Variants in EBPL observed in about 807,000 individuals in gnomAD.
EBPL encodes EBP like, also known as emopamil-binding protein-like.
Under a neutral mutation model 19.0 loss-of-function variants are expected in EBPL, and 20 were observed. The ratio of observed to expected loss-of-function variants is 1.05; its 90% CI spans 0.74 to 1.53. The LOEUF is 1.53. Among genes scored for constraint, EBPL ranks in the 40% most tolerant of loss-of-function variants. EBPL has a pLI of 0.00. For synonymous variants in EBPL, 107 were observed against 117.0 expected (o/e 0.91, Z 0.55); for missense variants, 219 against 261.1 (o/e 0.84, Z 1.11).
At chr13:49,665,145 C>T (rs908827614) in intron 2 of EBPL, among the ~76,000 whole-genome samples, 3 of 144,516 alleles carry the variant, frequency 2.1e-5, no homozygotes, top group Non-Finnish European at 4.5e-5. Context: ...AGGAGTCTCA[C>T]TGTTACCCAG....
Position 49,663,264 on chromosome 13 carries a change from T to C in EBPL, c.242-69A>G, listed in dbSNP as rs962856777. The C allele has an allele frequency of 4.4e-6, 7 of 1,580,562 alleles. No individual in the cohort carries two copies. In the African/African-American group the frequency reaches 8.1e-5, roughly 18 times the overall value. On this transcript the variant is annotated intron_variant, in intron 2 of 3. Coordinates refer to ENST00000242827, the MANE Select transcript of EBPL (RefSeq NM_032565.5). ...TATGACAGTTCATGGAAATGACCTT[T>C]CTTTCCTTTAAGGTGGAGATAAAAT...
rs1479571332 is a variant in EBPL at position 49,691,398 on chromosome 13, G to C, written c.27C>G (p.Ala9=). 2 of 1,363,090 alleles carry C rather than the reference G, an allele frequency of 1.5e-6. No individual in the cohort carries two copies. The highest frequency in any genetic ancestry group is 1.9e-6 in the Non-Finnish European group (2 of 1,055,268). 84.4% of individuals were successfully genotyped at this position (1,363,090 alleles called of 1,614,324 possible). The part of the protein sequence containing the change: MGAEWELG[A]EAGGSLLLCA... The stretch of plus-strand genomic sequence containing the variant: ...ACAGCAGCAGCGAACCGCCAGCCTC[G>C]GCCCCCAGCTCCCACTCAGCGCCCA... Residue 9 remains alanine (A), a synonymous_variant, in exon 1 of 4, where the codon GCC becomes GCG. Transcript: ENST00000242827.
At chr13:49,678,320 G>A (rs551437019) in intron 1 of EBPL, among the ~76,000 whole-genome samples, 2 of 152,346 alleles carry the variant, frequency 1.3e-5, no homozygotes, top group South Asian at 4.1e-4. Context: ...CGCCAGTCCT[G>A]CGCCGCGCGC....
At chr13:49,672,479 T>C (rs1007484384) in intron 1 of EBPL, among the ~76,000 whole-genome samples, 1 of 152,224 alleles carries the variant, frequency 6.6e-6, no homozygotes, top group Non-Finnish European at 1.5e-5. Context: ...GGGCCAATTC[T>C]TTCTCTTTTA....
chr13:49,677,521 A>G (rs926277451), intron 1 of EBPL, among the ~76,000 whole-genome samples: 3 of 152,238 alleles, frequency 2.0e-5, no homozygotes, highest in Admixed American at 6.5e-5. Context: ...TCCACAGCTG[A>G]TTCTCATCAA....
chr13:49,685,157 T>C (rs1013126025), intron 1 of EBPL, among the ~76,000 whole-genome samples: 12 of 152,216 alleles, frequency 7.9e-5, no homozygotes, highest in African/African-American at 2.9e-4. Flanking sequence ...TGAAAAAGAA[T>C]AGTGGGGAGA....
At chr13:49,675,174 CACTT>C (rs1158114317) in intron 1 of EBPL, among the ~76,000 whole-genome samples, 1 of 152,352 alleles carries the variant, frequency 6.6e-6, no homozygotes, top group Non-Finnish European at 1.5e-5. Flanking sequence ...GGTTGTGTAA[CACTT>C]ACCTCACACG....
At chr13:49,687,318 C>G (rs1954009357) in intron 1 of EBPL, among the ~76,000 whole-genome samples, 1 of 152,176 alleles carries the variant, frequency 6.6e-6, no homozygotes, top group Non-Finnish European at 1.5e-5. Context: ...AGTTCCAACA[C>G]CACCTCAGCT....
At chr13:49,666,886 T>TA (rs11275522) in intron 2 of EBPL, among the ~76,000 whole-genome samples, 1,552 of 140,138 alleles carry the variant, frequency 0.011, 6 homozygotes, top group Non-Finnish European at 0.016. Context: ...GAGACTCTGT[T>TA]AAAAAAAAAA....
At chr13:49,690,870 C>A (rs557946631) in intron 1 of EBPL, among the ~76,000 whole-genome samples, 1 of 152,348 alleles carries the variant, frequency 6.6e-6, no homozygotes, top group Admixed American at 6.5e-5. Context: ...GCCTCCGGAG[C>A]AAGCATCTCT....
chr13:49,685,738 T>C (rs763630095), intron 1 of EBPL, among the ~76,000 whole-genome samples: 2 of 151,982 alleles, frequency 1.3e-5, no homozygotes, highest in African/African-American at 2.4e-5. Flanking sequence ...CTGGGCATGG[T>C]GGCACGTGCC....
At chr13:49,668,353 C>T in intron 2 of EBPL, 1 of 223,818 alleles carries the variant, frequency 4.5e-6, no homozygotes. Context: ...GTGGGCAGAT[C>T]ACGAGGTCAG....
chr13:49,683,908 T>C (rs894855357), intron 1 of EBPL, among the ~76,000 whole-genome samples: 3 of 152,178 alleles, frequency 2.0e-5, no homozygotes, highest in African/African-American at 7.2e-5. Context: ...TTATTTGTAA[T>C]AGTAAAAAAC....
intron 3 of EBPL, chr13:49,661,951 G>A (rs1386689200): frequency 1.3e-6 from 2 of 1,537,666 alleles, no homozygotes; most frequent in Admixed American, 3.9e-5. Context: ...AGGAAGGAAG[G>A]GAGGAGAGTT....
intron 2 of EBPL, among the ~76,000 whole-genome samples, chr13:49,669,364 C>T (rs946757470): frequency 2.0e-5 from 3 of 152,126 alleles, no homozygotes; most frequent in Admixed American, 6.6e-5. Context: ...CCACACCTGG[C>T]TCATTTAAAA....
chr13:49,667,349 G>T (rs1965243556), intron 2 of EBPL, among the ~76,000 whole-genome samples: 1 of 152,166 alleles, frequency 6.6e-6, no homozygotes, highest in Non-Finnish European at 1.5e-5. Context: ...GCAAACTAAG[G>T]GTCGGGGTAG....
At chr13:49,691,221 TG>T in intron 1 of EBPL, 32 bp downstream of exon 1, 2 of 1,307,862 alleles carry the variant, frequency 1.5e-6, no homozygotes, top group South Asian at 2.9e-5. Context: ...CTCTCTGGGA[TG>T]GGGAGTGCAG....
Position 49,691,393 on chromosome 13 carries a change from G to A in EBPL, c.32C>T (p.Ala11Val). The A allele has an allele frequency of 7.3e-7, 1 of 1,365,560 alleles. No homozygotes were observed. 84.6% of individuals were successfully genotyped at this position (1,365,560 alleles called of 1,614,324 possible). A position where few individuals can be genotyped will look rare whatever the true frequency, so the allele number is the denominator to read the frequency against. MGAEWELGAE[A>V]GGSLLLCAAL... Reference sequence around the variant, plus strand: ...GGCGCACAGCAGCAGCGAACCGCCAGCCTCGGCCCCCAGCTCCCACTCAGC... The same window carrying A: ...GGCGCACAGCAGCAGCGAACCGCCAACCTCGGCCCCCAGCTCCCACTCAGC... The change falls in exon 1 of 4, where the codon GCT (alanine) becomes GTT (valine). Residue 11 changes from alanine (A) to valine (V), a missense_variant. Ala to Val is a moderately conservative substitution (Grantham distance 64, BLOSUM62 0). Around this residue, in one of 2 missense-constraint regions of EBPL, gnomAD observed 170 missense variants for 167.0 expected, o/e 1.02. Coordinates refer to ENST00000242827, the MANE Select transcript of EBPL (RefSeq NM_032565.5).
At chr13:49,678,740 G>A (rs1050529165) in intron 1 of EBPL, among the ~76,000 whole-genome samples, 2 of 152,138 alleles carry the variant, frequency 1.3e-5, no homozygotes, top group African/African-American at 2.4e-5. Context: ...GTGCAGCCGC[G>A]GGCTGAAGGG....
Sources: allele counts gnomAD v4.1 joint callset (sites outside exome capture counted in the v4.1 genomes callset), GRCh38; gene constraint gnomAD v4.1.1; regional missense constraint gnomAD v4.1.1; transcripts MANE v1.5; gene names NCBI Gene and HGNC (gene_info 2026-07-23, HGNC 2026-07-21).